The following PCDH11X variants were observed in gnomAD, a reference collection of about 807,000 sequenced individuals.
The protein encoded by PCDH11X is protocadherin-11 X-linked.
A neutral mutation model predicts 53.3 loss-of-function variants in PCDH11X; 18 were observed. The observed-to-expected ratio is 0.34, with a 90% CI of 0.23 to 0.50. The LOEUF is 0.50. Ranked by LOEUF, PCDH11X falls within the 20% of genes least tolerant of loss-of-function variation. The probability of loss-of-function intolerance (pLI) is 0.98; values close to 1 mark genes in which losing one functional copy is unlikely to be tolerated. For missense variants in PCDH11X, 570 were observed against 1,032.4 expected, an observed-to-expected ratio of 0.55 and a Z score of 6.14; for synonymous variants, 279 against 393.3, an observed-to-expected ratio of 0.71 and a Z score of 3.44.
chrX:92,331,414 C>A (rs1392193239), intron 8 of PCDH11X, among the ~76,000 whole-genome samples: 1 of 99,586 alleles, frequency 1.0e-5, no homozygotes, highest in Non-Finnish European at 2.0e-5. Context: ...GCTTTTACTT[C>A]TTTCTTTGTT....
rs1158015098 is a variant in PCDH11X at position 92,201,374 on chromosome X, G to A, written c.3034-1G>A. 2.5e-6 allele frequency: 3 copies of A among 1,194,245 alleles called. No homozygotes were observed. Among genetic ancestry groups the A allele is most frequent in the Non-Finnish European group, 3.4e-6 (3 of 885,734 alleles). On this transcript the variant is annotated splice_acceptor_variant, in intron 6 of 10. Transcript: ENST00000682573. LOFTEE classifies it high-confidence loss of function. ...TACTTCTATTTTCTTCCCTTCTAAA[G>A]CCAATGAAGGAGGTTGTGCGATCTT...
chrX:92,001,005 T>A (rs1020523110), intron 6 of PCDH11X, among the ~76,000 whole-genome samples: 10 of 96,759 alleles, frequency 1.0e-4, no homozygotes, highest in Non-Finnish European at 1.7e-4. Context: ...TGCATTCAAA[T>A]CCTGGCTATT....
intron 6 of PCDH11X, among the ~76,000 whole-genome samples, chrX:91,942,672 AG>A (rs763420071): frequency 6.5e-4 from 72 of 111,330 alleles, no homozygotes; most frequent in Non-Finnish European, 1.1e-3. Flanking sequence ...TTTTTCTGAC[AG>A]TTAAAGTGGA....
chrX:92,262,797 G>T (rs1196169768), intron 7 of PCDH11X, among the ~76,000 whole-genome samples: 2 of 110,984 alleles, frequency 1.8e-5, no homozygotes, highest in Non-Finnish European at 1.9e-5. Context: ...TAATTGGAAG[G>T]GTGCCTTTTC....
intron 6 of PCDH11X, among the ~76,000 whole-genome samples, chrX:92,094,379 T>C (rs2064101367): frequency 9.1e-6 from 1 of 110,472 alleles, no homozygotes; most frequent in Non-Finnish European, 1.9e-5. Context: ...TCTTTAGATA[T>C]TAGAAATAGA....
intron 8 of PCDH11X, among the ~76,000 whole-genome samples, chrX:92,350,052 A>G (rs13305723): frequency 0.28 from 30,560 of 109,845 alleles, 3,292 homozygotes; most frequent in Non-Finnish European, 0.33. Flanking sequence ...CCTGCTTGCT[A>G]TGCCTTCAAC....
At chrX:92,484,025 A>T (rs1365342117) in intron 10 of PCDH11X, among the ~76,000 whole-genome samples, 1 of 106,363 alleles carries the variant, frequency 9.4e-6, no homozygotes, top group East Asian at 2.9e-4. Flanking sequence ...ACAATTCACA[A>T]TTGTGAAAAT....
rs371960275 is a variant in PCDH11X, at chrX:92,039,002, G to A, written c.3033+159729G>A. Among the ~76,000 whole-genome samples, 17 of 111,597 alleles carry A rather than the reference G, an allele frequency of 1.5e-4. 1 individual carries two copies. In the South Asian group the frequency reaches 5.4e-3, roughly 35 times the overall value. On this transcript the variant is annotated intron_variant, in intron 6 of 10. Transcript: ENST00000682573. ...TGTCTTTATCAGCAGTGTGAAAATG[G>A]ACTAATACCACTTTCCAGGTCCTAA...
At chrX:91,975,166 A>C (rs1057058340) in intron 6 of PCDH11X, among the ~76,000 whole-genome samples, 1 of 111,468 alleles carries the variant, frequency 9.0e-6, no homozygotes, top group Non-Finnish European at 1.9e-5. Context: ...GGTGGCTTGC[A>C]CAAGGATGGA....
chrX:92,204,062 G>A (rs1488025267), intron 7 of PCDH11X, among the ~76,000 whole-genome samples: 1 of 111,800 alleles, frequency 8.9e-6, no homozygotes, highest in Non-Finnish European at 1.9e-5. Context: ...AGGTCACCAT[G>A]TCCTGAGGCT....
chrX:91,981,604 T>C (rs1227412409), intron 6 of PCDH11X, among the ~76,000 whole-genome samples: 2 of 111,847 alleles, frequency 1.8e-5, no homozygotes, highest in Non-Finnish European at 3.8e-5. Flanking sequence ...ATTTTCATTG[T>C]GCTGATAAAG....
intron 6 of PCDH11X, among the ~76,000 whole-genome samples, chrX:91,881,729 G>T (rs1602419672): frequency 9.0e-6 from 1 of 110,883 alleles, no homozygotes; most frequent in African/African-American, 3.3e-5. Flanking sequence ...AATGCAGTAG[G>T]TGTCTTCTTT....
chrX:92,206,261 A>C (rs1316815221), intron 7 of PCDH11X, among the ~76,000 whole-genome samples: 1 of 111,911 alleles, frequency 8.9e-6, no homozygotes, highest in Non-Finnish European at 1.9e-5. Flanking sequence ...AGCTTAAATA[A>C]AATACTTATT....
intron 6 of PCDH11X, among the ~76,000 whole-genome samples, chrX:91,905,468 T>A (rs1420086752): frequency 9.0e-6 from 1 of 111,214 alleles, no homozygotes. Context: ...TAAAAGATAT[T>A]TTTATACTAT....
chrX:92,144,449 G>A (rs184780152), intron 6 of PCDH11X, among the ~76,000 whole-genome samples: 16 of 110,643 alleles, frequency 1.4e-4, no homozygotes, highest in African/African-American at 3.7e-4. Flanking sequence ...TAGTGAATAC[G>A]TCTTATGAGA....
At chrX:92,170,306 T>C (rs535435217) in intron 6 of PCDH11X, among the ~76,000 whole-genome samples, 5 of 110,654 alleles carry the variant, frequency 4.5e-5, no homozygotes, top group Admixed American at 9.8e-5. Flanking sequence ...TCATCTATGC[T>C]TGTCTGGCCA....
At chrX:92,462,270 G>A (rs3865932) in intron 9 of PCDH11X, among the ~76,000 whole-genome samples, 49,083 of 109,248 alleles carry the variant, frequency 0.45, 9,517 homozygotes, top group African/African-American at 0.74. Context: ...CACAAGGAAG[G>A]AATTTTAAAA....
intron 6 of PCDH11X, among the ~76,000 whole-genome samples, chrX:91,917,845 A>T (rs1467781299): frequency 1.8e-5 from 2 of 109,238 alleles, no homozygotes; most frequent in South Asian, 3.8e-4. Context: ...ATATGGAATT[A>T]AAAAAAACAC....
At chrX:92,412,012 AGAAGAG>A (rs2071681442) in intron 9 of PCDH11X, among the ~76,000 whole-genome samples, 1 of 47,739 alleles carries the variant, frequency 2.1e-5, no homozygotes, top group Non-Finnish European at 4.3e-5. Context: ...AAGAAGAAGA[AGAAGAG>A]GAGGAGGGGT....
Sources: gnomAD v4.1 joint callset for allele counts (sites outside exome capture counted in the v4.1 genomes callset) on GRCh38, gnomAD v4.1.1 for gene constraint, MANE v1.5 for transcripts, NCBI Gene and HGNC (gene_info 2026-07-23, HGNC 2026-07-21) for gene names.